Variants in MAGI1 observed in about 807,000 individuals in gnomAD.
The protein encoded by MAGI1 is membrane-associated guanylate kinase, WW and PDZ domain-containing protein 1.
MAGI1 carries 58 observed loss-of-function variants against 139.9 expected under a neutral mutation model. The observed-to-expected ratio is 0.41, with a 90% CI of 0.34 to 0.52. The LOEUF is 0.52. Ranked by LOEUF, MAGI1 falls within the 20% of genes least tolerant of loss-of-function variation. MAGI1 has a pLI of 0.12. For missense variants in MAGI1, 1,874 were observed against 1,901.6 expected, an observed-to-expected ratio of 0.99 and a Z score of 0.27; for synonymous variants, 812 against 737.9, an observed-to-expected ratio of 1.10 and a Z score of -1.63.
intron 1 of MAGI1, among the ~76,000 whole-genome samples, chr3:65,826,995 C>A (rs1427352831): frequency 1.0e-5 from 1 of 97,274 alleles, no homozygotes; most frequent in Non-Finnish European, 2.1e-5. Context: ...GCCACCATCC[C>A]CCGGTCTGCT....
At chr3:65,564,587 A>C (rs2080521677) in intron 2 of MAGI1, among the ~76,000 whole-genome samples, 1 of 152,224 alleles carries the variant, frequency 6.6e-6, no homozygotes, top group South Asian at 2.1e-4. Flanking sequence ...AAAATAAATA[A>C]ATAAATAAGT....
intron 2 of MAGI1, among the ~76,000 whole-genome samples, chr3:65,571,986 A>T (rs1005828830): frequency 6.6e-6 from 1 of 152,142 alleles, no homozygotes. Context: ...GGTGGAGATA[A>T]AAAATAAGCA....
intron 1 of MAGI1, among the ~76,000 whole-genome samples, chr3:65,775,599 A>C (rs777597193): frequency 6.6e-6 from 1 of 151,656 alleles, no homozygotes; most frequent in African/African-American, 2.4e-5. Context: ...TACATACACC[A>C]AAGTATTAAC....
In MAGI1 at chr3:65,775,463, A is replaced by ATT. The variant is rs3077784; in HGVS notation, c.314-153377_314-153376dup. Among the ~76,000 whole-genome samples, 563 of 112,954 alleles carry ATT rather than the reference A, an allele frequency of 5.0e-3. 3 individuals are homozygous for ATT. The highest frequency in any genetic ancestry group is 8.1e-3 in the Non-Finnish European group (472 of 58,302). 74.1% of individuals were successfully genotyped at this position (112,954 alleles called of 152,430 possible). ...GACCTTCTCTGGAAAAAAAAAAAAA[A>ATT]TTTTTTTAAGTGTTTTTTTCTCTTC... On this transcript the variant is annotated intron_variant, in intron 1 of 22. Transcript: ENST00000402939.
At chr3:65,604,073 A>C (rs1039051280) in intron 2 of MAGI1, among the ~76,000 whole-genome samples, 2 of 152,174 alleles carry the variant, frequency 1.3e-5, no homozygotes, top group African/African-American at 4.8e-5. Context: ...CAATATCAAA[A>C]TTTCCTTAGT....
intron 1 of MAGI1, among the ~76,000 whole-genome samples, chr3:65,741,377 T>C (rs10446493): frequency 0.54 from 82,315 of 151,886 alleles, 23,209 homozygotes; most frequent in South Asian, 0.67. Context: ...GGTTTCACCG[T>C]GTTAGCCAGG....
intron 1 of MAGI1, among the ~76,000 whole-genome samples, chr3:65,725,802 T>C (rs1336957144): frequency 6.6e-6 from 1 of 152,174 alleles, no homozygotes; most frequent in Non-Finnish European, 1.5e-5. Context: ...ACAAAAGATC[T>C]AGAAGTTAGA....
At chr3:65,515,289 C>G (rs889073638) in intron 2 of MAGI1, among the ~76,000 whole-genome samples, 1 of 151,188 alleles carries the variant, frequency 6.6e-6, no homozygotes, top group South Asian at 2.1e-4. Flanking sequence ...TGCACATGTA[C>G]CCTAAAACTT....
intron 1 of MAGI1, among the ~76,000 whole-genome samples, chr3:65,942,951 G>T (rs1038914490): frequency 6.6e-6 from 1 of 152,158 alleles, no homozygotes; most frequent in South Asian, 2.1e-4. Flanking sequence ...AACTCGGGAG[G>T]TGGAGGTTGC....
At chr3:65,479,999 T>C (rs1951157271) in intron 3 of MAGI1, among the ~76,000 whole-genome samples, 1 of 152,148 alleles carries the variant, frequency 6.6e-6, no homozygotes, top group Admixed American at 6.5e-5. Context: ...GATTCTGAGA[T>C]GCTGGATCAA....
At chr3:65,874,779 A>G (rs2060056106) in intron 1 of MAGI1, 2 of 152,476 alleles carry the variant, frequency 1.3e-5, no homozygotes, top group Non-Finnish European at 2.9e-5. Context: ...AAATGAAAAC[A>G]TATGTTCACA....
At chr3:65,806,064 C>T (rs538699105) in intron 1 of MAGI1, among the ~76,000 whole-genome samples, 16 of 152,028 alleles carry the variant, frequency 1.1e-4, no homozygotes, top group Non-Finnish European at 2.4e-4. Flanking sequence ...AACAAATCTG[C>T]ACATCCTACA....
At chr3:65,615,833 A>G (rs1416514337) in intron 2 of MAGI1, among the ~76,000 whole-genome samples, 3 of 152,218 alleles carry the variant, frequency 2.0e-5, no homozygotes, top group Non-Finnish European at 4.4e-5. Context: ...CGCGAAACAT[A>G]AATCATAGCT....
At chr3:65,515,774 T>G (rs911172398) in intron 2 of MAGI1, among the ~76,000 whole-genome samples, 1 of 152,220 alleles carries the variant, frequency 6.6e-6, no homozygotes, top group African/African-American at 2.4e-5. Flanking sequence ...TCAGGCTTCA[T>G]TGTAATCAAC....
chr3:65,913,753 G>A (rs2061771763), intron 1 of MAGI1, among the ~76,000 whole-genome samples: 1 of 152,194 alleles, frequency 6.6e-6, no homozygotes. Flanking sequence ...TGAAAACACA[G>A]CAGAAGACAG....
At chr3:65,943,316 C>G (rs2063398920) in intron 1 of MAGI1, among the ~76,000 whole-genome samples, 1 of 152,098 alleles carries the variant, frequency 6.6e-6, no homozygotes, top group Admixed American at 6.5e-5. Context: ...TGGCTCACAC[C>G]TGTAATCCCA....
chr3:65,900,528 T>G (rs1314863335), intron 1 of MAGI1, among the ~76,000 whole-genome samples: 4 of 152,330 alleles, frequency 2.6e-5, no homozygotes, highest in Admixed American at 2.6e-4. Flanking sequence ...CTTAGCCATA[T>G]CTGTCTGTCC....
Position 65,896,462 on chromosome 3 carries a change from A to G in MAGI1, c.313+141534T>C, listed in dbSNP as rs902431748. ...GTGGAGCTTGTCCAAGAAAACTACG[A>G]ATCATGTGGACAAAGATTTAGCTAC... On this transcript the variant is annotated intron_variant, in intron 1 of 22. Transcript: ENST00000402939. Among the ~76,000 whole-genome samples the G allele has an allele frequency of 1.4e-4, 21 of 152,184 alleles. 2 individuals are homozygous for G. The highest frequency in any genetic ancestry group is 8.3e-4 in the South Asian group (4 of 4,830).
At chr3:65,971,123 A>C (rs1469613616) in intron 1 of MAGI1, among the ~76,000 whole-genome samples, 1 of 152,320 alleles carries the variant, frequency 6.6e-6, no homozygotes, top group South Asian at 2.1e-4. Context: ...GAATCACTTG[A>C]ACCCAGGAGG....
Sources: gnomAD v4.1 joint callset for allele counts (sites outside exome capture counted in the v4.1 genomes callset) on GRCh38, gnomAD v4.1.1 for gene constraint, MANE v1.5 for transcripts, NCBI Gene and HGNC (gene_info 2026-07-23, HGNC 2026-07-21) for gene names.